SCRG1: variants seen among roughly 807,000 people sequenced by gnomAD.
The protein encoded by SCRG1 is scrapie-responsive protein 1.
In SCRG1, 3 loss-of-function variants were observed where a neutral mutation model predicts 7.7. The ratio of observed to expected loss-of-function variants is 0.39; its 90% CI spans 0.18 to 1.01. The LOEUF (loss-of-function observed/expected upper bound fraction) is 1.01, where lower values mean the gene tolerates loss of function less well. Ranked by LOEUF, SCRG1 falls within the 50% of genes least tolerant of loss-of-function variation. The probability of loss-of-function intolerance (pLI) is 0.36; values close to 1 mark genes in which losing one functional copy is unlikely to be tolerated. For synonymous variants in SCRG1, 46 were observed against 41.2 expected (o/e 1.12, Z -0.44); for missense variants, 110 against 117.2 (o/e 0.94, Z 0.28).
chr4:173,466,174 G>C, the SCRG1 span, among the ~76,000 whole-genome samples: 1 of 152,140 alleles, frequency 6.6e-6, no homozygotes, highest in East Asian at 1.9e-4. Flanking sequence ...AATGGAACAA[G>C]TTTCTTTTTT....
At chr4:173,454,483 G>A in the SCRG1 span, among the ~76,000 whole-genome samples, 3 of 152,174 alleles carry the variant, frequency 2.0e-5, no homozygotes, top group African/African-American at 4.8e-5. Context: ...ATATATACCT[G>A]TATTTACTCA....
the SCRG1 span, among the ~76,000 whole-genome samples, chr4:173,450,878 G>A: frequency 6.6e-6 from 1 of 152,132 alleles, no homozygotes; most frequent in East Asian, 1.9e-4. Context: ...AGAGGGGAAA[G>A]GCCTGACCCA....
the SCRG1 span, among the ~76,000 whole-genome samples, chr4:173,440,937 T>A: frequency 6.6e-6 from 1 of 152,190 alleles, no homozygotes; most frequent in Non-Finnish European, 1.5e-5. Context: ...CCAGTCGTAC[T>A]GAATTTGGTA....
chr4:173,432,085 A>G, the SCRG1 span, among the ~76,000 whole-genome samples: 1 of 152,256 alleles, frequency 6.6e-6, no homozygotes, highest in South Asian at 2.1e-4. Context: ...ATGAGGATCC[A>G]TATAGTGGTT....
the SCRG1 span, chr4:173,420,174 A>T: frequency 2.1e-6 from 1 of 470,204 alleles, no homozygotes; most frequent in African/African-American, 2.0e-5. Flanking sequence ...GGCTCAACAG[A>T]GACCTTCAGG....
the SCRG1 span, among the ~76,000 whole-genome samples, chr4:173,412,951 C>T: frequency 4.0e-4 from 61 of 152,290 alleles, no homozygotes; most frequent in African/African-American, 1.4e-3. Context: ...TTTCCCCCAT[C>T]TGTCAGGTCC....
chr4:173,517,260 G>A, the SCRG1 span, among the ~76,000 whole-genome samples: 1 of 152,214 alleles, frequency 6.6e-6, no homozygotes. Flanking sequence ...CATCGGAGGG[G>A]GGCCAGGCCC....
chr4:173,471,435 C>G, the SCRG1 span, among the ~76,000 whole-genome samples: 1 of 152,176 alleles, frequency 6.6e-6, no homozygotes, highest in Non-Finnish European at 1.5e-5. Context: ...TCACCCCATC[C>G]TGGAGGCAGC....
At chr4:173,423,585 C>T in the SCRG1 span, among the ~76,000 whole-genome samples, 7 of 151,914 alleles carry the variant, frequency 4.6e-5, no homozygotes, top group Non-Finnish European at 1.0e-4. Context: ...AATAAAAAAA[C>T]CTTTTATTTG....
At chr4:173,429,872 G>A in the SCRG1 span, among the ~76,000 whole-genome samples, 2 of 152,132 alleles carry the variant, frequency 1.3e-5, no homozygotes, top group South Asian at 2.1e-4. Context: ...TAGCAATGTT[G>A]CCAAGTTCAT....
chr4:173,463,474 A>G, the SCRG1 span, among the ~76,000 whole-genome samples: 1 of 151,986 alleles, frequency 6.6e-6, no homozygotes, highest in Admixed American at 6.5e-5. Flanking sequence ...CCACCTCACT[A>G]TGTTGGCCAG....
At chr4:173,457,297 C>A in the SCRG1 span, among the ~76,000 whole-genome samples, 2 of 152,140 alleles carry the variant, frequency 1.3e-5, no homozygotes, top group Admixed American at 6.6e-5. Context: ...GACAGAAAGG[C>A]ACACAATAAA....
At chr4:173,458,677 G>T in the SCRG1 span, among the ~76,000 whole-genome samples, 1 of 152,180 alleles carries the variant, frequency 6.6e-6, no homozygotes, top group East Asian at 1.9e-4. Context: ...TAAATAGTAA[G>T]AGAGGAAGAA....
the SCRG1 span, among the ~76,000 whole-genome samples, chr4:173,428,763 C>T: frequency 2.6e-5 from 4 of 152,154 alleles, no homozygotes; most frequent in Non-Finnish European, 5.9e-5. Flanking sequence ...GTAACCAGTA[C>T]ATTAGTTGTA....
At chr4:173,501,185 G>A in the SCRG1 span, among the ~76,000 whole-genome samples, 7 of 152,356 alleles carry the variant, frequency 4.6e-5, no homozygotes, top group Non-Finnish European at 8.8e-5. This position sits in a 1 kb window ranked among gnomAD's most constrained non-coding sequence, Gnocchi z 5.1. Context: ...AAGCACTTCC[G>A]GGGTGCGAGC....
upstream of SCRG1, among the ~76,000 whole-genome samples, chr4:173,410,218 T>C (rs532786319): frequency 6.6e-6 from 1 of 152,356 alleles, no homozygotes; most frequent in African/African-American, 2.4e-5. Context: ...TTCTAGATCC[T>C]GTGTGTAGCT....
chr4:173,424,800 T>G, the SCRG1 span, among the ~76,000 whole-genome samples: 1 of 151,586 alleles, frequency 6.6e-6, no homozygotes. Flanking sequence ...TCCCAGCTAC[T>G]CGGGAGGCTG....
At chr4:173,507,902 G>A in the SCRG1 span, among the ~76,000 whole-genome samples, 2 of 152,370 alleles carry the variant, frequency 1.3e-5, no homozygotes, top group South Asian at 4.1e-4. This position sits in a 1 kb window ranked among gnomAD's most constrained non-coding sequence, Gnocchi z 4.4. Context: ...CAGGCAGCGA[G>A]GCCCCTCCGC....
intron 1 of SCRG1, chr4:173,398,487 G>A (rs1454906297): frequency 1.3e-5 from 2 of 152,092 alleles, no homozygotes; most frequent in African/African-American, 4.8e-5. Context: ...AGTCTCAGAG[G>A]GAAAAAGTGT....
Sources: gnomAD v4.1 joint callset for allele counts (sites outside exome capture counted in the v4.1 genomes callset) on GRCh38, gnomAD v4.1.1 for gene constraint, Gnocchi (gnomAD v3.1) non-coding constraint, MANE v1.5 for transcripts, NCBI Gene and HGNC (gene_info 2026-07-23, HGNC 2026-07-21) for gene names.